AXL: variants seen among roughly 807,000 people sequenced by gnomAD.
AXL encodes the protein AXL receptor tyrosine kinase.
A neutral mutation model predicts 104.5 loss-of-function variants in AXL; 52 were observed. The observed-to-expected ratio is 0.50, with a 90% confidence interval of 0.40 to 0.63. The LOEUF (loss-of-function observed/expected upper bound fraction) is 0.63. AXL is among the 20% of genes least tolerant of loss of function. The pLI is 0.00. For missense variants in AXL, 1,024 were observed against 1,188.5 expected (o/e 0.86, Z 2.04); for synonymous variants, 455 against 473.7 (o/e 0.96, Z 0.51).
intron 12 of AXL, among the ~76,000 whole-genome samples, chr19:41,245,165 G>T (rs1027750005): frequency 2.7e-5 from 4 of 148,366 alleles, no homozygotes; most frequent in Admixed American, 2.7e-4. Flanking sequence ...TCCTGAACCC[G>T]TGCCTCCCAA....
chr19:41,242,126 C>G (rs2034192341), intron 10 of AXL, among the ~76,000 whole-genome samples: 1 of 151,984 alleles, frequency 6.6e-6, no homozygotes, highest in Admixed American at 6.6e-5. Context: ...ACACATCTCT[C>G]CCTCCCATTC....
intron 4 of AXL, among the ~76,000 whole-genome samples, chr19:41,225,356 C>T (rs542500656): frequency 2.0e-5 from 3 of 152,178 alleles, no homozygotes. Context: ...AACCTGGGCG[C>T]ATCCAGCTCC....
In AXL at chr19:41,237,993, C is replaced by T. The variant is rs2034110337; in HGVS notation, c.833C>T (p.Pro278Leu). ...GMGIQAGEPD[P>L]PEEPLTSQAS... ...GGCATCCAGGCGGGAGAACCAGACC[C>T]CCCAGAGGAGCCCCTCACCTCGCAA... is the stretch of plus-strand genomic sequence containing the variant. The change falls in exon 7 of 20, where the codon CCC (proline) becomes CTC (leucine). Residue 278 changes from proline (P) to leucine (L), a missense_variant. Around this residue, in one of 5 missense-constraint regions of AXL, gnomAD observed 332 missense variants for 343.9 expected, o/e 0.97. Transcript: ENST00000301178. 1 of 1,613,792 alleles carries T rather than the reference C, an allele frequency of 6.2e-7. No homozygotes were observed. The highest frequency in any genetic ancestry group is 1.1e-5 in the South Asian group (1 of 91,068).
rs191246496 is a variant in AXL at position 41,259,991 on chromosome 19, A to T, written c.*87A>T. The stretch of plus-strand genomic sequence containing the variant: ...CTCCACCTTCCCACTTTCCCACCCC[A>T]CGCCTTATCCCCACTTGCAGCCCTG... On this transcript the variant is annotated 3_prime_UTR_variant, in exon 20 of 20. Transcript: ENST00000301178. The T allele has an allele frequency of 4.3e-5, 53 of 1,236,058 alleles. 1 individual carries two copies. The East Asian group carries it at 1.4e-3, about 32-fold the overall frequency. The allele number at this position is 1,236,058 out of a possible 1,614,324, so 76.6% of individuals were successfully genotyped here.
rs1358208482 is a variant in AXL at position 41,260,051 on chromosome 19, T to C, written c.*147T>C. 4 of 668,502 alleles carry C rather than the reference T, an allele frequency of 6.0e-6. No homozygotes were observed. The highest frequency in any genetic ancestry group is 9.9e-6 in the Non-Finnish European group (4 of 404,214). 41.4% of individuals were successfully genotyped at this position (668,502 alleles called of 1,614,324 possible). A position where few individuals can be genotyped will look rare whatever the true frequency, so the allele number is the denominator to read the frequency against. ...CTATCCCACCTCCATCCCAGACAGG[T>C]CCCTCCCCTTCTCTGTGCAGTAGCA... On this transcript the variant is annotated 3_prime_UTR_variant, in exon 20 of 20. Transcript: ENST00000301178.
intron 6 of AXL, among the ~76,000 whole-genome samples, chr19:41,233,368 G>C (rs1238358745): frequency 6.7e-6 from 1 of 149,858 alleles, no homozygotes; most frequent in East Asian, 2.1e-4. Flanking sequence ...AACCCCATCT[G>C]CTTGTCGTTT....
chr19:41,256,358 G>T (rs112298726), intron 17 of AXL, 94 bp from the exon 18 acceptor site: 1 of 1,445,168 alleles, frequency 6.9e-7, no homozygotes, highest in Non-Finnish European at 9.6e-7. Flanking sequence ...AGGACAGTGA[G>T]GGGAGGAGGT....
chr19:41,239,951 T>C (rs1481252516), intron 10 of AXL, among the ~76,000 whole-genome samples: 1 of 151,692 alleles, frequency 6.6e-6, no homozygotes, highest in African/African-American at 2.4e-5. Flanking sequence ...AACAAATAGA[T>C]GGATGGATGG....
In AXL at chr19:41,221,963, C is replaced by A. The variant is rs759394283; in HGVS notation, c.493C>A (p.Pro165Thr). 6.2e-7 allele frequency: 1 copy of A among 1,612,306 alleles called. No individual in the cohort carries two copies. Among genetic ancestry groups the A allele is most frequent in the Non-Finnish European group, 8.5e-7 (1 of 1,179,416 alleles). The change falls in exon 4 of 20, where the codon CCC (proline) becomes ACC (threonine). Residue 165 changes from proline to threonine, a missense_variant. Physicochemically the swap from Pro to Thr is conservative, Grantham distance 38. Around this residue, in one of 5 missense-constraint regions of AXL, gnomAD observed 332 missense variants for 343.9 expected, o/e 0.97. Coordinates refer to ENST00000301178, the MANE Select transcript of AXL (RefSeq NM_021913.5). ...CAACCTGAGCTGCCAAGCTCAGGGA[C>A]CCCCAGAGCCCGTGGACCTACTCTG... ...PFNLSCQAQG[P>T]PEPVDLLWLQ...
rs1312220853 is a variant in AXL, at chr19:41,232,627, A to AG, written c.783+1329_783+1330insG. 2.6e-3 allele frequency among the ~76,000 whole-genome samples: 384 copies of AG among 145,514 alleles called. 3 individuals carry two copies. The highest frequency in any genetic ancestry group is 9.0e-3 in the African/African-American group (360 of 39,946). ...AACACGAGCGAACTTCCGTCTCAAG[A>AG]AAAAAAAAAAAAGAAAGAAAGAAAG... On this transcript the variant is annotated intron_variant, in intron 6 of 19. Coordinates refer to ENST00000301178, the MANE Select transcript of AXL (RefSeq NM_021913.5).
chr19:41,253,047 A>G, intron 16 of AXL, 80 bp downstream of exon 16: 1 of 1,498,282 alleles, frequency 6.7e-7, no homozygotes, highest in African/African-American at 1.4e-5. Context: ...GACCCTGGGA[A>G]GACCACGGTG....
At chr19:41,234,189 C>T (rs1259039997) in intron 6 of AXL, among the ~76,000 whole-genome samples, 1 of 152,102 alleles carries the variant, frequency 6.6e-6, no homozygotes, top group Non-Finnish European at 1.5e-5. Context: ...AGTTGCTGAA[C>T]CTCTCTGGGC....
chr19:41,251,633 T>G (rs1342793369), intron 14 of AXL, among the ~76,000 whole-genome samples: 1 of 150,488 alleles, frequency 6.6e-6, no homozygotes, highest in Non-Finnish European at 1.5e-5. Flanking sequence ...AAGGCAAGCC[T>G]AGGAGTTCGA....
chr19:41,243,785 A>G (rs1340163458), intron 12 of AXL, 78 bp downstream of exon 12: 5 of 1,288,018 alleles, frequency 3.9e-6, no homozygotes, highest in Admixed American at 1.7e-5. Flanking sequence ...GCTTCTGTAC[A>G]TGTGTGAGCC....
intron 7 of AXL, 43 bp from the exon 8 acceptor site, chr19:41,238,427 G>A (rs200639903): frequency 6.3e-7 from 1 of 1,592,844 alleles, no homozygotes; most frequent in Non-Finnish European, 8.6e-7. Context: ...AGGGGGTCAG[G>A]AAGAGGTGGG....
intron 4 of AXL, chr19:41,226,850 T>G (rs2033891283): frequency 2.1e-6 from 2 of 960,652 alleles, no homozygotes; most frequent in Non-Finnish European, 2.5e-6. Context: ...ATCCAGCACT[T>G]TGGGAGGCCG....
At position 41,220,778 on chromosome 19, in the gene AXL, G is replaced by A; in HGVS notation, c.228G>A (p.Leu76=). The A allele has an allele frequency of 1.2e-6, 2 of 1,614,176 alleles. No individual in the cohort carries two copies. The highest frequency in any genetic ancestry group is 1.7e-6 in the Non-Finnish European group (2 of 1,180,030). ...ATTGGCTTCGGGATGGACAGATCCT[G>A]GAGCTCGCGGACAGCACCCAGACCC... ...EVHWLRDGQI[L]ELADSTQTQV... Residue 76 remains leucine, a synonymous_variant, in exon 2 of 20, where the codon CTG becomes CTA. Coordinates refer to ENST00000301178, the MANE Select transcript of AXL (RefSeq NM_021913.5).
At chr19:41,240,401 T>TG (rs2034162217) in intron 10 of AXL, among the ~76,000 whole-genome samples, 4 of 151,416 alleles carry the variant, frequency 2.6e-5, no homozygotes, top group African/African-American at 4.9e-5. Context: ...GATGGATGGA[T>TG]GAATGGATGG....
chr19:41,256,230 T>C (rs1474786525), intron 17 of AXL, among the ~76,000 whole-genome samples: 1 of 152,126 alleles, frequency 6.6e-6, no homozygotes, highest in African/African-American at 2.4e-5. Context: ...AGAGCCAAAA[T>C]TGGGAAGTCC....
Sources: allele counts gnomAD v4.1 joint callset (sites outside exome capture counted in the v4.1 genomes callset), GRCh38; gene constraint gnomAD v4.1.1; regional missense constraint gnomAD v4.1.1; transcripts MANE v1.5; gene names NCBI Gene and HGNC (gene_info 2026-07-23, HGNC 2026-07-21).